Variants in ARMH3 observed in about 807,000 individuals in gnomAD.
ARMH3 encodes the protein armadillo like helical domain containing 3.
In ARMH3, 60 loss-of-function variants were observed where a neutral mutation model predicts 99.1. The observed-to-expected ratio is 0.61, with a 90% confidence interval of 0.49 to 0.75. ARMH3 has a LOEUF of 0.75. Ranked by LOEUF, ARMH3 falls within the 30% of genes least tolerant of loss-of-function variation. The pLI is 0.00. For synonymous variants in ARMH3, 285 were observed against 292.8 expected (o/e 0.97, Z 0.27); for missense variants, 679 against 843.1 (o/e 0.81, Z 2.41).
intron 19 of ARMH3, among the ~76,000 whole-genome samples, chr10:101,986,375 A>C (rs2135982049): frequency 6.6e-6 from 1 of 152,230 alleles, no homozygotes; most frequent in South Asian, 2.1e-4. Flanking sequence ...GCAAGAATCA[A>C]GGAGTACAGC....
intron 20 of ARMH3, among the ~76,000 whole-genome samples, chr10:101,973,076 C>T (rs1383727497): frequency 6.6e-6 from 1 of 152,020 alleles, no homozygotes; most frequent in Non-Finnish European, 1.5e-5. Context: ...CAAAGATAAT[C>T]GCAGCCAGGC....
chr10:101,945,276 T>G (rs1418038627), intron 22 of ARMH3, among the ~76,000 whole-genome samples: 1 of 152,138 alleles, frequency 6.6e-6, no homozygotes, highest in Non-Finnish European at 1.5e-5. Flanking sequence ...GGAATCCTCA[T>G]CTTTCTGGAG....
chr10:102,025,546 G>C (rs2066981921), intron 5 of ARMH3, among the ~76,000 whole-genome samples: 1 of 152,166 alleles, frequency 6.6e-6, no homozygotes, highest in African/African-American at 2.4e-5. Flanking sequence ...ATGAATGTTT[G>C]CAGTCTGTCA....
intron 23 of ARMH3, among the ~76,000 whole-genome samples, chr10:101,917,039 C>T (rs1843119561): frequency 6.6e-6 from 1 of 152,212 alleles, no homozygotes; most frequent in African/African-American, 2.4e-5. Context: ...TATTGTGAAA[C>T]AACTTGGCCT....
chr10:101,858,452 C>A (rs1472661772), intron 24 of ARMH3, among the ~76,000 whole-genome samples: 1 of 152,302 alleles, frequency 6.6e-6, no homozygotes, highest in East Asian at 1.9e-4. Context: ...ATGCTTGGCA[C>A]ACAGAAAGCA....
chr10:101,851,552 A>G (rs1309279506), intron 24 of ARMH3, among the ~76,000 whole-genome samples: 1 of 152,180 alleles, frequency 6.6e-6, no homozygotes, highest in Non-Finnish European at 1.5e-5. Context: ...GTCAGGATGG[A>G]GGACAGGCTC....
At chr10:101,982,042 A>AAAC (rs1564817639) in intron 19 of ARMH3, among the ~76,000 whole-genome samples, 1 of 150,542 alleles carries the variant, frequency 6.6e-6, no homozygotes, top group Non-Finnish European at 1.5e-5. Flanking sequence ...AAAAAAAAAA[A>AAAC]AACAAAGACT....
At chr10:101,920,199 T>C (rs928273428) in intron 23 of ARMH3, among the ~76,000 whole-genome samples, 3 of 152,162 alleles carry the variant, frequency 2.0e-5, no homozygotes, top group Admixed American at 6.5e-5. Flanking sequence ...GTTGCTGCTG[T>C]AGTGTGGCCA....
chr10:101,964,336 C>G (rs1159881254), intron 20 of ARMH3, among the ~76,000 whole-genome samples: 1 of 152,140 alleles, frequency 6.6e-6, no homozygotes, highest in Non-Finnish European at 1.5e-5. Context: ...CTCTAAATGT[C>G]TTAGGACTTC....
intron 1 of ARMH3, among the ~76,000 whole-genome samples, chr10:102,041,512 G>A (rs1033986793): frequency 2.0e-5 from 3 of 152,140 alleles, no homozygotes; most frequent in Non-Finnish European, 2.9e-5. Flanking sequence ...GTTTAAGGAA[G>A]AGATGTATCC....
At chr10:101,886,116 A>T (rs1476706940) in intron 24 of ARMH3, among the ~76,000 whole-genome samples, 1 of 142,546 alleles carries the variant, frequency 7.0e-6, no homozygotes, top group African/African-American at 2.5e-5. Context: ...TACCACATAT[A>T]AAAAAAAAAG....
At chr10:101,918,715 A>C (rs10786653) in intron 23 of ARMH3, among the ~76,000 whole-genome samples, 2 of 152,104 alleles carry the variant, frequency 1.3e-5, no homozygotes, top group Non-Finnish European at 2.9e-5. Flanking sequence ...GCAAGTAATT[A>C]ATCACAGAAA....
chr10:101,896,851 G>A (rs2067850067), intron 23 of ARMH3, among the ~76,000 whole-genome samples: 2 of 152,232 alleles, frequency 1.3e-5, no homozygotes, highest in African/African-American at 2.4e-5. Context: ...CAGAGATGAC[G>A]AGTGAGACTG....
chr10:101,988,922 C>CA (rs35605193), intron 19 of ARMH3, among the ~76,000 whole-genome samples: 18,708 of 55,912 alleles, frequency 0.33, 3,284 homozygotes, highest in East Asian at 0.6. Flanking sequence ...GACTCTGTCT[C>CA]AAAAAAAAAA....
intron 1 of ARMH3, among the ~76,000 whole-genome samples, chr10:102,055,504 C>T (rs2067823712): frequency 1.3e-5 from 2 of 152,114 alleles, no homozygotes; most frequent in Admixed American, 1.3e-4. Context: ...CTATACCCTC[C>T]TGGGAACAGG....
intron 22 of ARMH3, among the ~76,000 whole-genome samples, chr10:101,945,314 C>A (rs1203067210): frequency 6.6e-6 from 1 of 152,078 alleles, no homozygotes; most frequent in Non-Finnish European, 1.5e-5. Flanking sequence ...AGGCGCAGTG[C>A]CTCGTGCCTG....
At chr10:102,055,003 A>T (rs927725368) in intron 1 of ARMH3, among the ~76,000 whole-genome samples, 1 of 147,174 alleles carries the variant, frequency 6.8e-6, no homozygotes, top group African/African-American at 2.5e-5. Context: ...TCTCAAAAAA[A>T]CAAAAAACAA....
At chr10:102,035,897 G>C (rs1326255892) in intron 2 of ARMH3, among the ~76,000 whole-genome samples, 1 of 151,770 alleles carries the variant, frequency 6.6e-6, no homozygotes, top group Non-Finnish European at 1.5e-5. Context: ...CCTCTGCCCA[G>C]CTGCCCAGTC....
chr10:102,007,986 C>T (rs1256921512), intron 13 of ARMH3, among the ~76,000 whole-genome samples: 2 of 152,160 alleles, frequency 1.3e-5, no homozygotes, highest in East Asian at 3.9e-4. Context: ...CTGTCCCTAA[C>T]CTTTCTTAGC....
Sources: allele counts gnomAD v4.1 joint callset (sites outside exome capture counted in the v4.1 genomes callset), GRCh38; gene constraint gnomAD v4.1.1; transcripts MANE v1.5; gene names NCBI Gene and HGNC (gene_info 2026-07-23, HGNC 2026-07-21).